The following RIC1 variants were observed in gnomAD, a reference collection of about 807,000 sequenced individuals.
RIC1 encodes guanine nucleotide exchange factor subunit RIC1.
Under a neutral mutation model 169.0 loss-of-function variants are expected in RIC1, and 88 were observed. That is an observed-to-expected ratio of 0.52 (90% CI 0.44 to 0.62). RIC1 has a LOEUF of 0.62. Ranked by LOEUF, RIC1 falls within the 20% of genes least tolerant of loss-of-function variation. The pLI, the probability that RIC1 is intolerant of heterozygous loss-of-function variation, is 0.00. For missense variants in RIC1, 1,877 were observed against 1,725.5 expected (o/e 1.09, Z -1.56); for synonymous variants, 790 against 601.5 (o/e 1.31, Z -4.59).
At chr9:5,717,822 G>A (rs1823346978) in intron 4 of RIC1, among the ~76,000 whole-genome samples, 1 of 151,086 alleles carries the variant, frequency 6.6e-6, no homozygotes, top group South Asian at 2.1e-4. Context: ...GGGCAGCAGA[G>A]TAAGAGACTG....
intron 2 of RIC1, among the ~76,000 whole-genome samples, chr9:5,684,195 G>T (rs1397664641): frequency 1.5e-5 from 2 of 137,822 alleles, no homozygotes; most frequent in African/African-American, 2.7e-5. Context: ...AGTTGTAAAT[G>T]CAGAAATCAC....
At chr9:5,650,039 C>G (rs1818716220) in intron 1 of RIC1, among the ~76,000 whole-genome samples, 2 of 152,068 alleles carry the variant, frequency 1.3e-5, no homozygotes, top group South Asian at 4.1e-4. Context: ...CAGTGGGATG[C>G]TAGGTAGGCC....
intron 1 of RIC1, among the ~76,000 whole-genome samples, chr9:5,649,522 T>C (rs1342820871): frequency 6.6e-6 from 1 of 152,188 alleles, no homozygotes; most frequent in African/African-American, 2.4e-5. Context: ...TGAGGATTTC[T>C]GTTTGGTTCC....
intron 2 of RIC1, among the ~76,000 whole-genome samples, chr9:5,662,465 T>TG (rs1819511483): frequency 7.5e-6 from 1 of 132,798 alleles, no homozygotes; most frequent in Non-Finnish European, 1.7e-5. Context: ...TGTCCTGGGC[T>TG]GGTTTTTTTT....
intron 1 of RIC1, among the ~76,000 whole-genome samples, chr9:5,640,963 T>G (rs1486986155): frequency 2.6e-5 from 4 of 152,212 alleles, no homozygotes; most frequent in African/African-American, 9.6e-5. Context: ...CTGAAGAGTC[T>G]GCTGTCAGAG....
chr9:5,656,995 C>T (rs551646041), intron 2 of RIC1, among the ~76,000 whole-genome samples: 20 of 151,726 alleles, frequency 1.3e-4, no homozygotes, highest in African/African-American at 3.4e-4. Context: ...TTATTCTGTG[C>T]GTGTTACTCC....
intron 2 of RIC1, among the ~76,000 whole-genome samples, chr9:5,680,510 A>G (rs188582017): frequency 6.6e-6 from 1 of 152,112 alleles, no homozygotes; most frequent in East Asian, 1.9e-4. Context: ...TTATTGCCTC[A>G]ATTTCAGAGC....
rs1827565921 is a variant in RIC1 at position 5,776,070 on chromosome 9, ATCTTT to A, written c.*1827_*1831del. On this transcript the variant is annotated 3_prime_UTR_variant, in exon 26 of 26. Transcript: ENST00000414202. ...TGATTTACCATTATAAAGAGCTGTG[ATCTTT>A]TCAAGTATCTGAAATAAAACACTGT... 1 of 152,206 alleles carries A rather than the reference ATCTTT, an allele frequency of 6.6e-6. No homozygotes were observed. The highest frequency in any genetic ancestry group is 1.5e-5 in the Non-Finnish European group (1 of 68,012). 9.4% of individuals were successfully genotyped at this position (152,206 alleles called of 1,614,324 possible).
At chr9:5,667,694 G>C (rs1333193) in intron 2 of RIC1, among the ~76,000 whole-genome samples, 2 of 151,836 alleles carry the variant, frequency 1.3e-5, no homozygotes, top group South Asian at 4.2e-4. Flanking sequence ...TTGTAGAGAT[G>C]TGATCTCACT....
At chr9:5,655,833 A>G (rs1417843544) in intron 1 of RIC1, among the ~76,000 whole-genome samples, 1 of 151,706 alleles carries the variant, frequency 6.6e-6, no homozygotes, top group African/African-American at 2.4e-5. Context: ...GAGGTTTTAT[A>G]TCTATGTTCA....
In RIC1 at chr9:5,720,754, T is replaced by A. The variant is rs1439787041; in HGVS notation, c.720+4T>A. On this transcript the variant is annotated splice_donor_region_variant and intron_variant, in intron 6 of 25. Transcript: ENST00000414202. ...GTCAAGTAGATTTACTGCAGAGGTATGACTTATTTACTTTGAAGGGTTTTT... is the reference window on the plus strand; with the variant it reads ...GTCAAGTAGATTTACTGCAGAGGTAAGACTTATTTACTTTGAAGGGTTTTT... 1.3e-6 allele frequency: 2 copies of A among 1,589,524 alleles called. No homozygotes were observed. Among genetic ancestry groups the A allele is most frequent in the African/African-American group, 2.7e-5 (2 of 73,402 alleles).
At chr9:5,708,573 C>T (rs565352387) in intron 3 of RIC1, among the ~76,000 whole-genome samples, 1 of 152,122 alleles carries the variant, frequency 6.6e-6, no homozygotes, top group Non-Finnish European at 1.5e-5. Context: ...TATGTCATCC[C>T]ACTGTTCTCT....
chr9:5,641,462 T>C (rs978043376), intron 1 of RIC1, among the ~76,000 whole-genome samples: 5 of 152,118 alleles, frequency 3.3e-5, no homozygotes, highest in Non-Finnish European at 5.9e-5. Context: ...AATGCAGATA[T>C]CTTTCTCTAG....
At chr9:5,702,784 C>T (rs1339441371) in intron 3 of RIC1, among the ~76,000 whole-genome samples, 2 of 152,130 alleles carry the variant, frequency 1.3e-5, no homozygotes, top group Non-Finnish European at 2.9e-5. Context: ...TGAGCTCAGG[C>T]ATTCTGCCCG....
At chr9:5,666,785 A>C (rs1460280678) in intron 2 of RIC1, among the ~76,000 whole-genome samples, 1 of 139,678 alleles carries the variant, frequency 7.2e-6, no homozygotes, top group African/African-American at 2.5e-5. Flanking sequence ...CTGTATTCAC[A>C]CAATATATTG....
rs752921533 is a variant in RIC1, at chr9:5,656,611, A to AAG, written c.173_174insAG (p.Pro59GlyfsTer23). On this transcript the variant is annotated frameshift_variant, in exon 2 of 26. Coordinates refer to ENST00000414202, the MANE Select transcript of RIC1 (RefSeq NM_020829.4). LOFTEE classifies it high-confidence loss of function. ...AGTGTGTTAATTGTAACCTACAAGG[A>AAG]GCCTGCAAAATCATCTACTCAGTTT... 1.3e-4 allele frequency: 204 copies of AAG among 1,606,994 alleles called. No individual in the cohort carries two copies. The highest frequency in any genetic ancestry group is 1.7e-4 in the Non-Finnish European group (196 of 1,175,910).
chr9:5,638,548 T>C (rs965057502), intron 1 of RIC1, among the ~76,000 whole-genome samples: 1 of 152,254 alleles, frequency 6.6e-6, no homozygotes, highest in Non-Finnish European at 1.5e-5. Context: ...TTTGAATTTC[T>C]TCATGATTCA....
chr9:5,668,984 G>A (rs1819940171), intron 2 of RIC1, among the ~76,000 whole-genome samples: 1 of 152,096 alleles, frequency 6.6e-6, no homozygotes, highest in East Asian at 1.9e-4. Flanking sequence ...ATTGAGAACT[G>A]GACTGAGTAT....
At chr9:5,716,326 G>C (rs1823239087) in intron 4 of RIC1, among the ~76,000 whole-genome samples, 1 of 152,096 alleles carries the variant, frequency 6.6e-6, no homozygotes, top group African/African-American at 2.4e-5. Flanking sequence ...TTCAGAACCA[G>C]GCTGGGCACG....
Sources: gnomAD v4.1 joint callset for allele counts (sites outside exome capture counted in the v4.1 genomes callset) on GRCh38, gnomAD v4.1.1 for gene constraint, MANE v1.5 for transcripts, NCBI Gene and HGNC (gene_info 2026-07-23, HGNC 2026-07-21) for gene names.